The following SATB1 variants were observed in gnomAD, a reference collection of about 807,000 sequenced individuals.
The protein encoded by SATB1 is DNA-binding protein SATB1.
In SATB1, 11 loss-of-function variants were observed where a neutral mutation model predicts 86.9. The observed-to-expected ratio is 0.13, with a 90% CI of 0.08 to 0.21. The LOEUF is 0.21. Ranked by LOEUF, SATB1 falls within the 10% of genes least tolerant of loss-of-function variation. SATB1 has a pLI of 1.00. For missense variants in SATB1, 551 were observed against 937.6 expected, an observed-to-expected ratio of 0.59 and a Z score of 5.39; for synonymous variants, 357 against 357.2, an observed-to-expected ratio of 1.00 and a Z score of 0.01.
At position 18,444,849 on chromosome 3, in the gene SATB1, C is replaced by A. The variant is rs922795155; in HGVS notation, c.-25+669G>T. The A allele has an allele frequency of 1.4e-4, 23 of 159,870 alleles. No individual in the cohort carries two copies. Among genetic ancestry groups the A allele is most frequent in the Non-Finnish European group, 2.6e-4 (21 of 81,382 alleles). The allele number at this position is 159,870 out of a possible 1,614,324, so 9.9% of individuals were successfully genotyped here. A position where few individuals can be genotyped will look rare whatever the true frequency, so the allele number is the denominator to read the frequency against. On this transcript the variant is annotated intron_variant, in intron 1 of 3. Transcript: ENST00000415069. This position sits in a 1 kb window ranked among gnomAD's most constrained non-coding sequence, Gnocchi z 5.1. Reference sequence around the variant, plus strand: ...GAGAGCGAGGCGAGGAGCGAGCGAGCGAGCGCGCGGGGCCAAGGGAAGGAA... The same window carrying A: ...GAGAGCGAGGCGAGGAGCGAGCGAGAGAGCGCGCGGGGCCAAGGGAAGGAA...
intron 2 of SATB1, among the ~76,000 whole-genome samples, chr3:18,418,092 T>C (rs2125165607): frequency 6.6e-6 from 1 of 152,282 alleles, no homozygotes; most frequent in Admixed American, 6.5e-5. Flanking sequence ...AATTGTACTG[T>C]GGCAAACTGC....
chr3:18,417,118 A>C, intron 2 of SATB1, 40 bp from the exon 3 acceptor site: 2 of 1,585,394 alleles, frequency 1.3e-6, no homozygotes, highest in Non-Finnish European at 1.7e-6. Flanking sequence ...AAAACCAACA[A>C]TCTTCAGAAA....
At chr3:18,398,255 G>A (rs1421836180) in intron 5 of SATB1, among the ~76,000 whole-genome samples, 3 of 151,984 alleles carry the variant, frequency 2.0e-5, no homozygotes, top group Admixed American at 1.3e-4. Context: ...TTTGGTTACG[G>A]TAATTTCAAT....
intron 9 of SATB1, among the ~76,000 whole-genome samples, chr3:18,355,555 C>T (rs1419982389): frequency 6.6e-6 from 1 of 151,814 alleles, no homozygotes; most frequent in Admixed American, 6.6e-5. Flanking sequence ...AATGATTCCC[C>T]AAAGTACTGT....
chr3:18,378,045 G>C, intron 9 of SATB1, 125 bp downstream of exon 9: 1 of 833,142 alleles, frequency 1.2e-6, no homozygotes, highest in African/African-American at 1.8e-5. Context: ...TAGAGCTCTG[G>C]AAATAATCCT....
chr3:18,351,789 G>A (rs1559388151), intron 10 of SATB1: 2 of 577,686 alleles, frequency 3.5e-6, no homozygotes, highest in Non-Finnish European at 3.0e-6. Context: ...GCTGGGAGAT[G>A]AGGAAAGAGG....
intron 9 of SATB1, among the ~76,000 whole-genome samples, chr3:18,371,407 G>C (rs767294430): frequency 5.3e-5 from 8 of 152,006 alleles, no homozygotes; most frequent in Non-Finnish European, 1.0e-4. Context: ...TTTTTAAATG[G>C]GTGGTCTATG....
intron 7 of SATB1, among the ~76,000 whole-genome samples, chr3:18,387,018 C>T (rs1696380440): frequency 6.6e-6 from 1 of 152,196 alleles, no homozygotes; most frequent in Non-Finnish European, 1.5e-5. Flanking sequence ...GATACAAAGC[C>T]ATTTCTAGAG....
At chr3:18,395,002 G>A in intron 6 of SATB1, 86 bp from the exon 7 acceptor site, 3 of 1,133,668 alleles carry the variant, frequency 2.6e-6, no homozygotes, top group South Asian at 3.2e-5. Flanking sequence ...AATTAAAAAA[G>A]GGTAGGCACA....
At chr3:18,417,554 C>A (rs1238815183) in intron 2 of SATB1, 3 of 628,320 alleles carry the variant, frequency 4.8e-6, no homozygotes, top group Admixed American at 2.8e-5. Context: ...TATCTTCGAC[C>A]ACGAAATTTT....
intron 9 of SATB1, among the ~76,000 whole-genome samples, chr3:18,357,563 T>A (rs997289714): frequency 1.5e-4 from 18 of 120,940 alleles, no homozygotes; most frequent in Middle Eastern, 4.3e-3. Flanking sequence ...TTTTTTTTTT[T>A]AAATAAAGCT....
At chr3:18,376,667 A>C (rs761044849) in intron 9 of SATB1, among the ~76,000 whole-genome samples, 60 of 152,110 alleles carry the variant, frequency 3.9e-4, no homozygotes, top group Non-Finnish European at 8.5e-4. Flanking sequence ...CACAGGTTTA[A>C]AGCGGCTCTA....
rs143738464 is a variant in SATB1, at chr3:18,364,978, C to T, written c.1576-12783G>A. Among the ~76,000 whole-genome samples the T allele has an allele frequency of 3.2e-4, 49 of 152,052 alleles. No individual in the cohort carries two copies. In the East Asian group the frequency reaches 7.6e-3, roughly 23 times the overall value. ...ATTAGAGGTGTTTCAGAAGTACCCG[C>T]GTTGTGTATGTGTAGGGTTAAGGGG... On this transcript the variant is annotated intron_variant, in intron 9 of 10. Transcript: ENST00000338745.
chr3:18,404,067 A>G (rs1482589289), intron 5 of SATB1, among the ~76,000 whole-genome samples: 1 of 152,070 alleles, frequency 6.6e-6, no homozygotes, highest in African/African-American at 2.4e-5. Context: ...CTCAAAGGAC[A>G]CCAAATACTA....
At chr3:18,397,839 A>C (rs11712525) in intron 5 of SATB1, among the ~76,000 whole-genome samples, 27,852 of 152,144 alleles carry the variant, frequency 0.18, 2,764 homozygotes, top group East Asian at 0.41. Context: ...AAAATTTGAG[A>C]AACAGAACTT....
chr3:18,415,292 C>T lies in SATB1; in HGVS notation c.516-58G>A. ...TACAAGATTGCATCCCGCTGCAGAA[C>T]ATTCCTTTAAGACAGACAGATTTCA... On this transcript the variant is annotated intron_variant, in intron 4 of 10. Coordinates refer to ENST00000338745, the MANE Select transcript of SATB1 (RefSeq NM_002971.6). 4 of 1,599,020 alleles carry T rather than the reference C, an allele frequency of 2.5e-6. No homozygotes were observed. The Admixed American group carries it at 6.7e-5, about 27-fold the overall frequency.
In SATB1 at chr3:18,407,615, A is replaced by G. The variant is rs75626537; in HGVS notation, c.639+7496T>C. ...TATCTTCCGACTTTATAGATGAGAAAATTGAGTCATGGAGTCAGCTGCCCA... is the reference window on the plus strand; with the variant it reads ...TATCTTCCGACTTTATAGATGAGAAGATTGAGTCATGGAGTCAGCTGCCCA... On this transcript the variant is annotated intron_variant, in intron 5 of 10. Coordinates refer to ENST00000338745, the MANE Select transcript of SATB1 (RefSeq NM_002971.6). 2.7e-3 allele frequency among the ~76,000 whole-genome samples: 416 copies of G among 152,100 alleles called. 1 individual carries two copies. The highest frequency in any genetic ancestry group is 3.5e-3 in the Non-Finnish European group (241 of 67,958).
chr3:18,443,117 G>A (rs1699282926), upstream of SATB1, among the ~76,000 whole-genome samples: 1 of 152,174 alleles, frequency 6.6e-6, no homozygotes, highest in Non-Finnish European at 1.5e-5. This position sits in a 1 kb window ranked among gnomAD's most constrained non-coding sequence, Gnocchi z 4.4. Flanking sequence ...ATCCACTTTG[G>A]ATAGAGTGTA....
intron 10 of SATB1, chr3:18,350,189 GT>G (rs1694281499): frequency 6.4e-6 from 1 of 155,618 alleles, no homozygotes; most frequent in African/African-American, 2.4e-5. Flanking sequence ...CTTATTCAGT[GT>G]TATCTGTCAT....
Sources: allele counts gnomAD v4.1 joint callset (sites outside exome capture counted in the v4.1 genomes callset), GRCh38; gene constraint gnomAD v4.1.1; non-coding constraint Gnocchi (gnomAD v3.1); transcripts MANE v1.5; gene names NCBI Gene and HGNC (gene_info 2026-07-23, HGNC 2026-07-21).